The following CATSPERG variants were observed in gnomAD, a reference collection of about 807,000 sequenced individuals.
The protein encoded by CATSPERG is cation channel sperm-associated auxiliary subunit gamma.
CATSPERG carries 115 observed loss-of-function variants against 145.0 expected under a neutral mutation model. That is an observed-to-expected ratio of 0.79 (90% CI 0.68 to 0.93). The LOEUF (loss-of-function observed/expected upper bound fraction) is 0.93. CATSPERG is among the 40% of genes least tolerant of loss of function. The probability of loss-of-function intolerance (pLI) is 0.00; values close to 1 mark genes in which losing one functional copy is unlikely to be tolerated. For missense variants in CATSPERG, 1,296 were observed against 1,490.1 expected (o/e 0.87, Z 2.14); for synonymous variants, 588 against 589.0 (o/e 1.00, Z 0.02).
intron 8 of CATSPERG, 168 bp downstream of exon 8, chr19:38,352,600 T>A: frequency 2.3e-6 from 1 of 442,248 alleles, no homozygotes; most frequent in Non-Finnish European, 4.0e-6. Flanking sequence ...TTGCCCTTTT[T>A]TTTTTTTTTT....
chr19:38,344,791 CCTGT>C (rs1970002601), intron 6 of CATSPERG, among the ~76,000 whole-genome samples: 1 of 137,974 alleles, frequency 7.2e-6, no homozygotes, highest in East Asian at 2.2e-4. Context: ...ATAGTACATA[CCTGT>C]ACATACATAT....
At chr19:38,336,021 G>A (rs914557581) in intron 1 of CATSPERG, 146 bp downstream of exon 1, 2 of 309,784 alleles carry the variant, frequency 6.5e-6, no homozygotes, top group Non-Finnish European at 1.3e-5. Context: ...GCTGGGAGAG[G>A]AGGGAAAGAG....
chr19:38,355,876 T>A (rs1283285490), intron 9 of CATSPERG, among the ~76,000 whole-genome samples: 3 of 152,186 alleles, frequency 2.0e-5, no homozygotes, highest in African/African-American at 7.2e-5. Flanking sequence ...GCACAGATTC[T>A]GGAGAGAGAC....
At chr19:38,354,944 C>A in intron 9 of CATSPERG, 97 bp downstream of exon 9, 1 of 1,410,732 alleles carries the variant, frequency 7.1e-7, no homozygotes, top group Non-Finnish European at 9.7e-7. Flanking sequence ...TACCATGTGC[C>A]CTGAGGAGGG....
chr19:38,370,108 T>C, intron 27 of CATSPERG, 44 bp downstream of exon 27: 1 of 1,613,392 alleles, frequency 6.2e-7, no homozygotes, highest in Non-Finnish European at 8.5e-7. Flanking sequence ...GGGCTGCCCA[T>C]GGAATGCCTG....
At position 38,370,507 on chromosome 19, in the gene CATSPERG, C is replaced by T; in HGVS notation, c.3214-19C>T. On this transcript the variant is annotated intron_variant, in intron 28 of 28. Transcript: ENST00000409235. ...CCTTATCATGTGCCAACTCCTTACT[C>T]ATTCTTTGCTCCCTGCAGGTGTCAG... The T allele has an allele frequency of 6.2e-7, 1 of 1,614,032 alleles. No homozygotes were observed. Among genetic ancestry groups the T allele is most frequent in the East Asian group, 2.2e-5 (1 of 44,886 alleles).
chr19:38,336,032 G>T lies in CATSPERG; in HGVS notation c.-15+157G>T, dbSNP rs1465677176. 4 of 349,902 alleles carry T rather than the reference G, an allele frequency of 1.1e-5. No individual in the cohort carries two copies. In the East Asian group the frequency reaches 4.1e-4, roughly 36 times the overall value. 21.7% of individuals were successfully genotyped at this position (349,902 alleles called of 1,614,324 possible). ...GGGAGCTGGGAGAGGAGGGAAAGAGGGGAAGAGTCGTGGGAGCTGGCAGAG... is the reference window on the plus strand; with the variant it reads ...GGGAGCTGGGAGAGGAGGGAAAGAGTGGAAGAGTCGTGGGAGCTGGCAGAG... On this transcript the variant is annotated intron_variant, in intron 1 of 28. Transcript: ENST00000409235.
intron 26 of CATSPERG, 109 bp from the exon 27 acceptor site, chr19:38,369,863 G>C (rs1600490139): frequency 1.1e-6 from 1 of 945,184 alleles, no homozygotes; most frequent in Non-Finnish European, 1.7e-6. Context: ...GAAGGCATGA[G>C]ATTGCACCCA....
At chr19:38,357,362 A>G (rs1437628510) in intron 11 of CATSPERG, among the ~76,000 whole-genome samples, 2 of 151,176 alleles carry the variant, frequency 1.3e-5, no homozygotes, top group Non-Finnish European at 3.0e-5. Flanking sequence ...TAAAAAAAAA[A>G]AAAAAAAAAA....
chr19:38,343,863 AG>A, intron 4 of CATSPERG, 129 bp from the exon 5 acceptor site: 1 of 1,381,510 alleles, frequency 7.2e-7, no homozygotes, highest in Non-Finnish European at 9.8e-7. Context: ...GGGGCCACAC[AG>A]AGGCCCCAGT....
chr19:38,345,332 G>A (rs116189243), intron 6 of CATSPERG, among the ~76,000 whole-genome samples: 1,706 of 151,960 alleles, frequency 0.011, 34 homozygotes, highest in African/African-American at 0.039. Context: ...GAACGACCTC[G>A]TCAGGCTCAG....
intron 11 of CATSPERG, among the ~76,000 whole-genome samples, chr19:38,357,827 C>A (rs940316722): frequency 5.3e-5 from 8 of 152,128 alleles, no homozygotes; most frequent in African/African-American, 1.9e-4. Flanking sequence ...TGGTGGGTAC[C>A]TATAAACCCA....
In CATSPERG at chr19:38,361,819, C is replaced by A; in HGVS notation, c.2052C>A (p.Gly684=). ...HNENSLAIYQ[G]LVYYLLWLHS... ...AGAACTCGCTCGCCATCTACCAGGG[C>A]CTGGTCTACTACCTGCTGTGGCTGC... The change falls in exon 17 of 29, where the codon GGC becomes GGA. Residue 684 remains glycine (G), a synonymous_variant. Transcript: ENST00000409235. 1 of 1,612,580 alleles carries A rather than the reference C, an allele frequency of 6.2e-7. No homozygotes were observed. The highest frequency in any genetic ancestry group is 8.5e-7 in the Non-Finnish European group (1 of 1,179,446).
chr19:38,357,807 T>C (rs1274501076), intron 11 of CATSPERG, among the ~76,000 whole-genome samples: 1 of 152,038 alleles, frequency 6.6e-6, no homozygotes, highest in Non-Finnish European at 1.5e-5. Flanking sequence ...CAAAAATTAG[T>C]CGGGCATGAT....
At position 38,361,701 on chromosome 19, in the gene CATSPERG, T is replaced by G; in HGVS notation, c.1934T>G (p.Leu645Arg). 1 of 1,612,448 alleles carries G rather than the reference T, an allele frequency of 6.2e-7. No homozygotes were observed. Among genetic ancestry groups the G allele is most frequent in the Non-Finnish European group, 8.5e-7 (1 of 1,179,866 alleles). Residue 645 changes from leucine (L) to arginine (R), a missense_variant, in exon 17 of 29, where the codon CTG (leucine) becomes CGG (arginine). Physicochemically the swap from Leu to Arg is moderately radical, Grantham distance 102 (BLOSUM62 -2). Transcript: ENST00000409235. ...TTCTGCCCCTTCTCGGTGATGCGCC[T>G]GCGGAGCCTGCCCAGTCCGCAGAGA... ...IDFCPFSVMR[L>R]RSLPSPQRYT...
intron 22 of CATSPERG, chr19:38,366,815 C>T (rs112152593): frequency 0.058 from 12,822 of 222,692 alleles, 717 homozygotes; most frequent in East Asian, 0.25. Context: ...CTCTGCCTCC[C>T]GAGTAGCTGG....
chr19:38,362,967 G>A (rs1970380414), intron 20 of CATSPERG, 135 bp downstream of exon 20: 1 of 651,228 alleles, frequency 1.5e-6, no homozygotes, highest in African/African-American at 1.8e-5. Flanking sequence ...TGGCCTCCTG[G>A]GCTCAAGCGA....
chr19:38,347,681 C>G (rs988222055), intron 7 of CATSPERG, among the ~76,000 whole-genome samples: 11 of 152,196 alleles, frequency 7.2e-5, no homozygotes, highest in African/African-American at 2.7e-4. Context: ...TGGCTCACGC[C>G]TATAATCCCA....
At chr19:38,337,672 T>C in intron 3 of CATSPERG, 26 bp downstream of exon 3, 6 of 1,544,182 alleles carry the variant, frequency 3.9e-6, no homozygotes, top group Non-Finnish European at 5.3e-6. Context: ...ACGGATAGGC[T>C]CATTCTATGA....
Sources: allele counts gnomAD v4.1 joint callset (sites outside exome capture counted in the v4.1 genomes callset), GRCh38; gene constraint gnomAD v4.1.1; transcripts MANE v1.5; gene names NCBI Gene and HGNC (gene_info 2026-07-23, HGNC 2026-07-21).